The following GRID1 variants were observed in gnomAD, a reference collection of about 807,000 sequenced individuals.
The protein encoded by GRID1 is glutamate receptor ionotropic, delta-1.
GRID1 carries 28 observed loss-of-function variants against 98.0 expected under a neutral mutation model. The ratio of observed to expected loss-of-function variants is 0.29; its 90% CI spans 0.21 to 0.39. The LOEUF is 0.39. Among genes scored for constraint, GRID1 ranks in the 10% least tolerant of loss-of-function variants. The pLI, the probability that GRID1 is intolerant of heterozygous loss-of-function variation, is 1.00. For synonymous variants in GRID1, 553 were observed against 538.5 expected, an observed-to-expected ratio of 1.03 and a Z score of -0.37; for missense variants, 1,111 against 1,340.5, an observed-to-expected ratio of 0.83 and a Z score of 2.67.
At chr10:86,111,700 G>T (rs1448766588) in intron 4 of GRID1, among the ~76,000 whole-genome samples, 4 of 152,162 alleles carry the variant, frequency 2.6e-5, no homozygotes, top group Admixed American at 6.5e-5. Context: ...CATGAAAGAG[G>T]ATGAGGATCT....
chr10:85,911,190 C>A lies in GRID1; in HGVS notation c.780+4996G>T, dbSNP rs893754305. Reference sequence around the variant, plus strand: ...ATCACAGTCTTTTTCTTTTATCATGCCTTTGTTTTTTCTGTGTCTGAGGAG... The same window carrying A: ...ATCACAGTCTTTTTCTTTTATCATGACTTTGTTTTTTCTGTGTCTGAGGAG... On this transcript the variant is annotated intron_variant, in intron 5 of 15. Transcript: ENST00000327946. Among the ~76,000 whole-genome samples, 3 of 152,058 alleles carry A rather than the reference C, an allele frequency of 2.0e-5. No individual in the cohort carries two copies. In the East Asian group the frequency reaches 5.8e-4, roughly 29 times the overall value.
intron 3 of GRID1, among the ~76,000 whole-genome samples, chr10:86,189,900 C>T (rs1164707441): frequency 2.6e-5 from 4 of 152,252 alleles, no homozygotes; most frequent in Middle Eastern, 6.8e-3. Context: ...GCTTTCCAGG[C>T]CCTTCTCTTT....
At chr10:85,779,925 A>G (rs758411196) in intron 8 of GRID1, among the ~76,000 whole-genome samples, 7 of 152,186 alleles carry the variant, frequency 4.6e-5, no homozygotes, top group Non-Finnish European at 7.3e-5. Context: ...ATGCTAGCAG[A>G]GTCTGTGGGA....
At chr10:86,134,361 G>A (rs866267640) in intron 4 of GRID1, among the ~76,000 whole-genome samples, 4 of 152,202 alleles carry the variant, frequency 2.6e-5, no homozygotes, top group Non-Finnish European at 4.4e-5. Flanking sequence ...ACAGATGAAT[G>A]GATGAACGGA....
At chr10:85,864,419 G>C (rs145089612) in intron 6 of GRID1, among the ~76,000 whole-genome samples, 12 of 152,356 alleles carry the variant, frequency 7.9e-5, no homozygotes, top group Middle Eastern at 3.4e-3. Context: ...CACACCCAAG[G>C]CTTCCTGGGC....
intron 12 of GRID1, among the ~76,000 whole-genome samples, chr10:85,679,382 T>C (rs1002093035): frequency 6.6e-6 from 1 of 152,198 alleles, no homozygotes; most frequent in Non-Finnish European, 1.5e-5. Context: ...ACTCCCACAA[T>C]GAAGAATGCA....
intron 4 of GRID1, among the ~76,000 whole-genome samples, chr10:85,975,414 C>G (rs1272210511): frequency 6.6e-6 from 1 of 152,240 alleles, no homozygotes; most frequent in Non-Finnish European, 1.5e-5. Context: ...TCCACTTCAC[C>G]AAGTGGCTCC....
At chr10:85,877,184 C>G (rs911887930) in intron 5 of GRID1, among the ~76,000 whole-genome samples, 1 of 152,238 alleles carries the variant, frequency 6.6e-6, no homozygotes, top group Admixed American at 6.5e-5. Flanking sequence ...GGGCAGGGCA[C>G]AGACAAACAA....
chr10:86,288,325 G>C (rs962372731), intron 2 of GRID1, among the ~76,000 whole-genome samples: 2 of 152,214 alleles, frequency 1.3e-5, no homozygotes, highest in Non-Finnish European at 2.9e-5. Context: ...AGAGCCCACA[G>C]TCTCCAGTCT....
chr10:85,827,840 T>C (rs1219992513), intron 8 of GRID1, among the ~76,000 whole-genome samples: 2 of 152,126 alleles, frequency 1.3e-5, no homozygotes, highest in Non-Finnish European at 2.9e-5. Context: ...AATAATGGGA[T>C]AGATCAACAG....
At chr10:86,053,077 G>A (rs1472223789) in intron 4 of GRID1, among the ~76,000 whole-genome samples, 3 of 152,152 alleles carry the variant, frequency 2.0e-5, no homozygotes, top group African/African-American at 7.2e-5. Flanking sequence ...TTATGCTGCA[G>A]CATATTTAGT....
chr10:86,059,527 C>A (rs957302099), intron 4 of GRID1, among the ~76,000 whole-genome samples: 4 of 152,202 alleles, frequency 2.6e-5, no homozygotes, highest in African/African-American at 9.7e-5. Flanking sequence ...CCAAAATCAT[C>A]CTTCAATAAG....
intron 3 of GRID1, among the ~76,000 whole-genome samples, chr10:86,162,040 C>T (rs113946936): frequency 3.5e-4 from 53 of 152,248 alleles, no homozygotes; most frequent in South Asian, 2.5e-3. Context: ...TCTGGAGGGA[C>T]GGCAAGACAC....
intron 12 of GRID1, among the ~76,000 whole-genome samples, chr10:85,706,173 T>C (rs1251411740): frequency 6.6e-6 from 1 of 152,158 alleles, no homozygotes; most frequent in African/African-American, 2.4e-5. Context: ...AGTCAAATTG[T>C]CCCTGTTTGC....
At chr10:85,739,410 T>A (rs1339688063) in intron 8 of GRID1, among the ~76,000 whole-genome samples, 1 of 151,490 alleles carries the variant, frequency 6.6e-6, no homozygotes, top group Admixed American at 6.6e-5. Context: ...CAAGACTCCA[T>A]CTCTAAAAAT....
At chr10:86,200,108 T>G (rs1845926904) in intron 3 of GRID1, among the ~76,000 whole-genome samples, 1 of 149,966 alleles carries the variant, frequency 6.7e-6, no homozygotes, top group Non-Finnish European at 1.5e-5. Flanking sequence ...GGAAGCAAGT[T>G]CTTCCCTCTG....
At chr10:85,649,658 T>C (rs1843240311) in intron 12 of GRID1, among the ~76,000 whole-genome samples, 1 of 152,122 alleles carries the variant, frequency 6.6e-6, no homozygotes, top group Non-Finnish European at 1.5e-5. Flanking sequence ...CTGCCAGGGA[T>C]CTCCAAACAC....
intron 4 of GRID1, among the ~76,000 whole-genome samples, chr10:86,026,785 T>C (rs1031019890): frequency 2.6e-5 from 4 of 152,220 alleles, no homozygotes; most frequent in Non-Finnish European, 5.9e-5. Flanking sequence ...GACCAGAGAC[T>C]GGTGCTTATG....
chr10:85,924,625 T>G (rs1471857523), intron 4 of GRID1, among the ~76,000 whole-genome samples: 1 of 152,240 alleles, frequency 6.6e-6, no homozygotes, highest in Admixed American at 6.5e-5. Flanking sequence ...GAAAGAGAGT[T>G]CACTGGAAGA....
Sources: allele counts gnomAD v4.1 joint callset (sites outside exome capture counted in the v4.1 genomes callset), GRCh38; gene constraint gnomAD v4.1.1; transcripts MANE v1.5; gene names NCBI Gene and HGNC (gene_info 2026-07-23, HGNC 2026-07-21).